PCDH9: variants seen among roughly 807,000 people sequenced by gnomAD.
The protein encoded by PCDH9 is protocadherin 9.
In PCDH9, 24 loss-of-function variants were observed where a neutral mutation model predicts 70.6. The ratio of observed to expected loss-of-function variants is 0.34; its 90% CI spans 0.25 to 0.48. The LOEUF is 0.48. Ranked by LOEUF, PCDH9 falls within the 20% of genes least tolerant of loss-of-function variation. The probability of loss-of-function intolerance (pLI) is 0.99; values close to 1 mark genes in which losing one functional copy is unlikely to be tolerated. For synonymous variants in PCDH9, 562 were observed against 558.5 expected, an observed-to-expected ratio of 1.01 and a Z score of -0.09; for missense variants, 1,281 against 1,503.6, an observed-to-expected ratio of 0.85 and a Z score of 2.45.
intron 2 of PCDH9, among the ~76,000 whole-genome samples, chr13:66,921,221 T>C (rs1226306306): frequency 6.6e-6 from 1 of 151,190 alleles, no homozygotes; most frequent in Non-Finnish European, 1.5e-5. Flanking sequence ...CTTCAGATAA[T>C]TGGTATACTG....
At chr13:66,471,432 TA>T (rs904893570) in intron 4 of PCDH9, among the ~76,000 whole-genome samples, 2 of 152,310 alleles carry the variant, frequency 1.3e-5, no homozygotes, top group African/African-American at 2.4e-5. Context: ...TCTGAAAAAA[TA>T]AAAGTTGAGA....
intron 3 of PCDH9, among the ~76,000 whole-genome samples, chr13:66,645,671 G>C (rs1368869448): frequency 3.3e-5 from 5 of 152,128 alleles, no homozygotes; most frequent in African/African-American, 1.2e-4. Flanking sequence ...GAAAAGTTGA[G>C]ACTCCCTAGA....
At chr13:66,323,607 G>T (rs1355813701) in intron 4 of PCDH9, 1 of 150,948 alleles carries the variant, frequency 6.6e-6, no homozygotes, top group Non-Finnish European at 1.5e-5. Flanking sequence ...TGTAGATTTT[G>T]TGGGCAGTGT....
At chr13:67,121,925 T>C (rs2086885118) in intron 2 of PCDH9, among the ~76,000 whole-genome samples, 1 of 152,216 alleles carries the variant, frequency 6.6e-6, no homozygotes, top group South Asian at 2.1e-4. Context: ...GACTACACTC[T>C]AAACACATTG....
At chr13:66,708,537 A>G (rs1379142864) in intron 3 of PCDH9, among the ~76,000 whole-genome samples, 1 of 152,088 alleles carries the variant, frequency 6.6e-6, no homozygotes, top group African/African-American at 2.4e-5. Flanking sequence ...AGATATAGAA[A>G]ATTACTGATG....
At chr13:67,053,355 C>T (rs2085357911) in intron 2 of PCDH9, among the ~76,000 whole-genome samples, 1 of 152,068 alleles carries the variant, frequency 6.6e-6, no homozygotes, top group South Asian at 2.1e-4. Context: ...ACAAATAGCA[C>T]AGACGAAACA....
intron 2 of PCDH9, among the ~76,000 whole-genome samples, chr13:66,956,190 G>A (rs2139713497): frequency 6.6e-6 from 1 of 152,244 alleles, no homozygotes; most frequent in East Asian, 1.9e-4. Context: ...GCTAGGAGGG[G>A]CTCAAAAGTC....
At chr13:67,065,529 C>T (rs2085630215) in intron 2 of PCDH9, among the ~76,000 whole-genome samples, 2 of 151,962 alleles carry the variant, frequency 1.3e-5, no homozygotes, top group Admixed American at 6.6e-5. Context: ...ATGTTAGAAA[C>T]CTGTAATGGC....
chr13:67,192,548 A>C (rs1470437288), intron 2 of PCDH9, among the ~76,000 whole-genome samples: 5 of 152,184 alleles, frequency 3.3e-5, no homozygotes, highest in African/African-American at 9.6e-5. Context: ...TCAAATAACA[A>C]GAACATATTC....
At chr13:66,515,277 A>G (rs1959677806) in intron 4 of PCDH9, among the ~76,000 whole-genome samples, 1 of 152,052 alleles carries the variant, frequency 6.6e-6, no homozygotes, top group Non-Finnish European at 1.5e-5. Flanking sequence ...AAATCAAAAT[A>G]TAATTGGTGT....
intron 2 of PCDH9, among the ~76,000 whole-genome samples, chr13:67,160,348 A>G (rs1423780981): frequency 1.3e-5 from 2 of 152,194 alleles, no homozygotes; most frequent in Non-Finnish European, 2.9e-5. Flanking sequence ...GATAGAGACC[A>G]TCCTGGCGAA....
intron 3 of PCDH9, among the ~76,000 whole-genome samples, chr13:66,776,127 C>G (rs567466266): frequency 2.0e-5 from 3 of 152,000 alleles, no homozygotes; most frequent in South Asian, 2.1e-4. Context: ...TGGGACGTAT[C>G]TCAAAATAAT....
intron 4 of PCDH9, among the ~76,000 whole-genome samples, chr13:66,480,557 C>T (rs1341055001): frequency 1.3e-5 from 2 of 152,188 alleles, no homozygotes; most frequent in Non-Finnish European, 2.9e-5. Flanking sequence ...ATGCAACAAA[C>T]ATCTTTGTTG....
At chr13:66,430,289 TAA>T (rs1957748479) in intron 4 of PCDH9, among the ~76,000 whole-genome samples, 1 of 152,054 alleles carries the variant, frequency 6.6e-6, no homozygotes, top group Admixed American at 6.6e-5. Context: ...AATTTTAACC[TAA>T]CTCTTTCATT....
chr13:66,698,389 ATGGTT>A (rs1478147268), intron 3 of PCDH9, among the ~76,000 whole-genome samples: 1 of 152,198 alleles, frequency 6.6e-6, no homozygotes, highest in Non-Finnish European at 1.5e-5. Context: ...GCTCTAAAAT[ATGGTT>A]TGAATTTGAA....
intron 4 of PCDH9, among the ~76,000 whole-genome samples, chr13:66,373,867 G>GTA (rs1353014907): frequency 6.6e-6 from 1 of 152,096 alleles, no homozygotes; most frequent in African/African-American, 2.4e-5. Flanking sequence ...CTATTTATAA[G>GTA]ACCTTGTAAA....
At chr13:66,523,946 T>C (rs1960107322) in intron 4 of PCDH9, among the ~76,000 whole-genome samples, 1 of 152,058 alleles carries the variant, frequency 6.6e-6, no homozygotes, top group African/African-American at 2.4e-5. Flanking sequence ...TGTCTACCAG[T>C]GAAGGCATGA....
At chr13:67,163,933 G>A (rs1053718251) in intron 2 of PCDH9, among the ~76,000 whole-genome samples, 6 of 152,088 alleles carry the variant, frequency 3.9e-5, no homozygotes, top group African/African-American at 1.4e-4. Flanking sequence ...AAAGATAATG[G>A]GGGTCTCTTA....
intron 4 of PCDH9, among the ~76,000 whole-genome samples, chr13:66,453,436 C>T (rs1958254331): frequency 6.6e-6 from 1 of 152,096 alleles, no homozygotes; most frequent in South Asian, 2.1e-4. Context: ...TGATATTGTT[C>T]CCTAATATTT....
Sources: allele counts gnomAD v4.1 joint callset (sites outside exome capture counted in the v4.1 genomes callset), GRCh38; gene constraint gnomAD v4.1.1; transcripts MANE v1.5; gene names NCBI Gene and HGNC (gene_info 2026-07-23, HGNC 2026-07-21).